The following PRSS23 variants were observed in gnomAD, a reference collection of about 807,000 sequenced individuals.
The protein encoded by PRSS23 is protease, serine 23.
In PRSS23, 25 loss-of-function variants were observed where a neutral mutation model predicts 34.7. The ratio of observed to expected loss-of-function variants is 0.72; its 90% CI spans 0.53 to 1.01. The LOEUF (loss-of-function observed/expected upper bound fraction) is 1.01, where lower values mean the gene tolerates loss of function less well. PRSS23 is among the 50% of genes least tolerant of loss of function. The pLI, the probability that PRSS23 is intolerant of heterozygous loss-of-function variation, is 0.00. For synonymous variants in PRSS23, 176 were observed against 186.6 expected, an observed-to-expected ratio of 0.94 and a Z score of 0.46; for missense variants, 445 against 475.6, an observed-to-expected ratio of 0.94 and a Z score of 0.60.
chr11:86,882,390 G>A (rs955490744), intron 2 of PRSS23, among the ~76,000 whole-genome samples: 4 of 152,056 alleles, frequency 2.6e-5, no homozygotes, highest in Admixed American at 1.3e-4. Flanking sequence ...CCCAGTGTGT[G>A]TTGTTCCCCT....
intron 2 of PRSS23, among the ~76,000 whole-genome samples, chr11:86,855,382 A>G (rs767161950): frequency 6.6e-6 from 1 of 152,128 alleles, no homozygotes; most frequent in African/African-American, 2.4e-5. Context: ...GAACTCATTT[A>G]TTCCATCTTT....
intron 1 of PRSS23, among the ~76,000 whole-genome samples, chr11:86,802,839 G>T (rs962730005): frequency 2.6e-5 from 4 of 152,168 alleles, no homozygotes; most frequent in Non-Finnish European, 2.9e-5. Flanking sequence ...TCTCCAAAGA[G>T]ATTGTTGTTT....
chr11:86,836,241 G>T (rs1001039129), intron 2 of PRSS23, among the ~76,000 whole-genome samples: 26 of 152,234 alleles, frequency 1.7e-4, no homozygotes, highest in African/African-American at 6.3e-4. Context: ...TTGGAGTATT[G>T]CAGGGGCTAT....
At chr11:86,877,485 T>C (rs1297595518) in intron 2 of PRSS23, among the ~76,000 whole-genome samples, 1 of 152,224 alleles carries the variant, frequency 6.6e-6, no homozygotes. Flanking sequence ...TTGAGGCTTT[T>C]TCTATTTTGA....
Position 86,808,072 on chromosome 11 carries a change from C to T in PRSS23, c.429C>T (p.Asp143=), listed in dbSNP as rs1948126257. The T allele has an allele frequency of 6.2e-7, 1 of 1,614,004 alleles. No individual in the cohort carries two copies. Among genetic ancestry groups the T allele is most frequent in the South Asian group, 1.1e-5 (1 of 91,088 alleles). The change falls in exon 2 of 2, where the codon GAC becomes GAT. Residue 143 remains aspartate, a synonymous_variant. Transcript: ENST00000280258. Reference sequence around the variant, plus strand: ...GCAGGTTCAGCATTTTTGGGAAGGACTTCCTGCTCAACTACCCTTTCTCAA... The same window carrying T: ...GCAGGTTCAGCATTTTTGGGAAGGATTTCCTGCTCAACTACCCTTTCTCAA... The part of the protein sequence containing the change: ...YDSRFSIFGK[D]FLLNYPFSTS...
intron 2 of PRSS23, among the ~76,000 whole-genome samples, chr11:86,838,228 C>A (rs568802596): frequency 6.6e-6 from 1 of 152,256 alleles, no homozygotes; most frequent in East Asian, 1.9e-4. Context: ...ACATCCATCA[C>A]CACCAAAAAG....
intron 2 of PRSS23, among the ~76,000 whole-genome samples, chr11:86,827,665 A>G (rs1325762989): frequency 1.3e-5 from 2 of 151,872 alleles, no homozygotes; most frequent in Non-Finnish European, 2.9e-5. Flanking sequence ...ACTGCTTTGA[A>G]TGTGTCCCAG....
At chr11:86,951,477 T>C (rs528348145) in exon 3 of PRSS23, 1 of 1,614,138 alleles carries the variant, frequency 6.2e-7, no homozygotes, top group African/African-American at 1.3e-5. Context: ...AACTTGTCTG[T>C]CTTTGTCCCA....
intron 2 of PRSS23, among the ~76,000 whole-genome samples, chr11:86,856,215 G>A (rs2134925943): frequency 6.6e-6 from 1 of 152,034 alleles, no homozygotes; most frequent in Non-Finnish European, 1.5e-5. Context: ...TTAGGACAAT[G>A]CATTTGAAGA....
chr11:86,938,408 T>A (rs1949178648), intron 2 of PRSS23, among the ~76,000 whole-genome samples: 1 of 152,076 alleles, frequency 6.6e-6, no homozygotes, highest in African/African-American at 2.4e-5. Flanking sequence ...ACTCAGGGAC[T>A]TGAAGAATGA....
chr11:86,930,357 G>C (rs1051568060), intron 2 of PRSS23, among the ~76,000 whole-genome samples: 1 of 152,168 alleles, frequency 6.6e-6, no homozygotes, highest in African/African-American at 2.4e-5. Context: ...GTGAATGTTA[G>C]GAAGGGGAAG....
Position 86,867,874 on chromosome 11 carries a change from C to CAA in PRSS23, c.206+44297_206+44298dup, listed in dbSNP as rs11352878. On this transcript the variant is annotated intron_variant, in intron 2 of 2. Transcript: ENST00000533902. ...CCAGTGACAGAGTGAGACCCTACCT[C>CAA]AAAAAAAAAAAAAAAAATACAACAG... 3.6e-3 allele frequency among the ~76,000 whole-genome samples: 420 copies of CAA among 118,306 alleles called. 9 individuals are homozygous for CAA. The highest frequency in any genetic ancestry group is 0.013 in the African/African-American group (381 of 28,284). 77.6% of individuals were successfully genotyped at this position (118,306 alleles called of 152,430 possible).
chr11:86,940,618 C>T (rs112374586), intron 2 of PRSS23, among the ~76,000 whole-genome samples: 5 of 152,254 alleles, frequency 3.3e-5, no homozygotes, highest in African/African-American at 1.2e-4. Flanking sequence ...TGCCGACTCC[C>T]CTGTGCTGAG....
Position 86,808,254 on chromosome 11 carries a change from G to C in PRSS23, c.611G>C (p.Arg204Pro). 6.2e-7 allele frequency: 1 copy of C among 1,614,102 alleles called. No homozygotes were observed. Among genetic ancestry groups the C allele is most frequent in the South Asian group, 1.1e-5 (1 of 91,082 alleles). ...AAGCCCAAGTTTAAAGATGGTGGTCGAGGGGCCAACGACTCCACTTCAGCC... is the reference window on the plus strand; with the variant it reads ...AAGCCCAAGTTTAAAGATGGTGGTCCAGGGGCCAACGACTCCACTTCAGCC... ...FLKPKFKDGG[R>P]GANDSTSAMP... Residue 204 changes from arginine (R) to proline (P), a missense_variant, in exon 2 of 2, where the codon CGA becomes CCA. By Grantham distance (103) the Arg-to-Pro change is moderately radical. Transcript: ENST00000280258.
At chr11:86,942,147 C>G (rs1949210994) in intron 2 of PRSS23, among the ~76,000 whole-genome samples, 1 of 152,136 alleles carries the variant, frequency 6.6e-6, no homozygotes, top group African/African-American at 2.4e-5. Context: ...GTTGAATGCA[C>G]AGAGGCTTAA....
chr11:86,847,782 C>T (rs1408963447), intron 2 of PRSS23, among the ~76,000 whole-genome samples: 2 of 152,160 alleles, frequency 1.3e-5, no homozygotes, highest in African/African-American at 4.8e-5. Flanking sequence ...AATTATAACA[C>T]CCTTCTACAA....
At chr11:86,908,783 A>T (rs956791620) in intron 2 of PRSS23, among the ~76,000 whole-genome samples, 1 of 152,020 alleles carries the variant, frequency 6.6e-6, no homozygotes, top group Non-Finnish European at 1.5e-5. Flanking sequence ...TTTCATTTTC[A>T]ACTATTGTAA....
At chr11:86,850,800 A>C (rs574432286) in intron 2 of PRSS23, among the ~76,000 whole-genome samples, 1 of 152,318 alleles carries the variant, frequency 6.6e-6, no homozygotes, top group South Asian at 2.1e-4. Flanking sequence ...CAAAGTCATA[A>C]AGTAGACAAA....
At chr11:86,818,390 A>G (rs1020595502) in intron 1 of PRSS23, among the ~76,000 whole-genome samples, 3 of 152,154 alleles carry the variant, frequency 2.0e-5, no homozygotes, top group African/African-American at 7.2e-5. Context: ...TTTTTAAGAC[A>G]CACTATTGTT....
Sources: allele counts gnomAD v4.1 joint callset (sites outside exome capture counted in the v4.1 genomes callset), GRCh38; gene constraint gnomAD v4.1.1; transcripts MANE v1.5; gene names NCBI Gene and HGNC (gene_info 2026-07-23, HGNC 2026-07-21).